Variants in SCUBE2 observed in about 807,000 individuals in gnomAD.
SCUBE2 encodes the protein signal peptide, CUB domain and EGF like domain containing 2.
A neutral mutation model predicts 125.9 loss-of-function variants in SCUBE2; 114 were observed. The ratio of observed to expected loss-of-function variants is 0.91; its 90% CI spans 0.78 to 1.06. The LOEUF is 1.06. Ranked by LOEUF, SCUBE2 falls within the 50% of genes least tolerant of loss-of-function variation. The probability of loss-of-function intolerance (pLI) is 0.00; values close to 1 mark genes in which losing one functional copy is unlikely to be tolerated. For synonymous variants in SCUBE2, 459 were observed against 492.9 expected (o/e 0.93, Z 0.91); for missense variants, 1,255 against 1,301.8 (o/e 0.96, Z 0.55).
chr11:9,089,860 A>T, intron 1 of SCUBE2, 31 bp from the exon 2 acceptor site: 3 of 1,608,740 alleles, frequency 1.9e-6, no homozygotes, highest in Non-Finnish European at 2.5e-6. Flanking sequence ...CACCTGGTAC[A>T]GGCTCCCAGG....
chr11:9,074,445 G>A, intron 4 of SCUBE2, 36 bp downstream of exon 4: 3 of 1,611,902 alleles, frequency 1.9e-6, no homozygotes, highest in Non-Finnish European at 1.7e-6. Flanking sequence ...GGTCTCAGAT[G>A]TGGCTCTGCC....
intron 10 of SCUBE2, among the ~76,000 whole-genome samples, 159 bp from the exon 11 acceptor site, chr11:9,053,918 G>T (rs1250296138): frequency 6.6e-6 from 1 of 151,390 alleles, no homozygotes; most frequent in Non-Finnish European, 1.5e-5. Context: ...GGCACCAGCT[G>T]ACTGCACACC....
At chr11:9,081,638 A>G (rs1164955439) in intron 2 of SCUBE2, among the ~76,000 whole-genome samples, 1 of 148,158 alleles carries the variant, frequency 6.7e-6, no homozygotes, top group African/African-American at 2.5e-5. Context: ...TGAGCAAGAT[A>G]GCAAGATCCC....
rs909313877 is a variant in SCUBE2, at chr11:9,060,534, A to G, written c.851-10T>C. The stretch of plus-strand genomic sequence containing the variant: ...TTGACAGCACACGTTTCTGGCAAGG[A>G]GGTAAGAAAAGACAATTAGCTTCCC... On this transcript the variant is annotated splice_polypyrimidine_tract_variant and intron_variant, in intron 7 of 22. Coordinates refer to ENST00000649792, the MANE Select transcript of SCUBE2 (RefSeq NM_001367977.2). The G allele has an allele frequency of 1.9e-6, 3 of 1,608,508 alleles. No homozygotes were observed. Among genetic ancestry groups the G allele is most frequent in the Admixed American group, 3.3e-5 (2 of 59,954 alleles).
Position 9,059,845 on chromosome 11 carries a change from A to G in SCUBE2, c.968-420T>C, listed in dbSNP as rs138401613. 56 of 162,318 alleles carry G rather than the reference A, an allele frequency of 3.5e-4. 1 individual carries two copies. The East Asian group carries it at 9.8e-3, about 28-fold the overall frequency. The allele number at this position is 162,318 out of a possible 1,614,324, so 10.1% of individuals were successfully genotyped here. A position where few individuals can be genotyped will look rare whatever the true frequency, so the allele number is the denominator to read the frequency against. ...AATTACACAATGATCAAATAGCCTC[A>G]ATGTTTTAAAATGATTCCTGATACT... On this transcript the variant is annotated intron_variant, in intron 8 of 22. Coordinates refer to ENST00000649792, the MANE Select transcript of SCUBE2 (RefSeq NM_001367977.2).
At chr11:9,050,805 CCACACACAG>C in intron 13 of SCUBE2, 95 bp from the exon 14 acceptor site, 2 of 913,092 alleles carry the variant, frequency 2.2e-6, no homozygotes, top group Non-Finnish European at 1.8e-6. Context: ...GTGGCTTCCA[CCACACACAG>C]CACACCCTGA....
intron 9 of SCUBE2, 51 bp from the exon 10 acceptor site, chr11:9,055,960 T>C (rs763679696): frequency 4.3e-6 from 6 of 1,390,194 alleles, no homozygotes; most frequent in African/African-American, 1.4e-5. Context: ...GAGGGATGAG[T>C]GAAGAATAGG....
rs1862655526 is a variant in SCUBE2, at chr11:9,091,073, G to A, written c.133+323C>T. Among the ~76,000 whole-genome samples the A allele has an allele frequency of 6.6e-6, 1 of 152,096 alleles. No homozygotes were observed. The highest frequency in any genetic ancestry group is 2.4e-5 in the African/African-American group (1 of 41,422). Reference sequence around the variant, plus strand: ...AGTTTCCCCGCCTACGCTGAGGCGCGGGACCCCAAGGCCAGGGTCCGCACC... The same window carrying A: ...AGTTTCCCCGCCTACGCTGAGGCGCAGGACCCCAAGGCCAGGGTCCGCACC... On this transcript the variant is annotated intron_variant, in intron 1 of 22. Coordinates refer to ENST00000649792, the MANE Select transcript of SCUBE2 (RefSeq NM_001367977.2). This position sits in a 1 kb window ranked among gnomAD's most constrained non-coding sequence, Gnocchi z 8.5.
intron 10 of SCUBE2, among the ~76,000 whole-genome samples, chr11:9,054,701 GTATATATA>G (rs1210852364): frequency 3.9e-4 from 20 of 51,074 alleles, no homozygotes; most frequent in African/African-American, 1.9e-3. Flanking sequence ...AAGCACTAGT[GTATATATA>G]TATATATATA....
At chr11:9,057,695 C>T (rs1590087047) in intron 9 of SCUBE2, among the ~76,000 whole-genome samples, 1 of 151,714 alleles carries the variant, frequency 6.6e-6, no homozygotes, top group African/African-American at 2.4e-5. Flanking sequence ...CATGCCCCCA[C>T]CTAATTTTTG....
intron 2 of SCUBE2, among the ~76,000 whole-genome samples, chr11:9,081,164 G>A (rs944934731): frequency 1.3e-5 from 2 of 152,160 alleles, no homozygotes; most frequent in Admixed American, 6.5e-5. Context: ...TATGTAAAAC[G>A]GCATAGCCAC....
At chr11:9,043,921 C>G (rs1857465265) in intron 16 of SCUBE2, among the ~76,000 whole-genome samples, 1 of 151,834 alleles carries the variant, frequency 6.6e-6, no homozygotes, top group Non-Finnish European at 1.5e-5. Flanking sequence ...TAGGCATGAT[C>G]TTTTGGGAAA....
chr11:9,075,620 GA>G (rs1316272698), intron 3 of SCUBE2, among the ~76,000 whole-genome samples: 1 of 152,226 alleles, frequency 6.6e-6, no homozygotes, highest in African/African-American at 2.4e-5. Context: ...AAGCAGCTGG[GA>G]ACCACTAGAG....
intron 17 of SCUBE2, among the ~76,000 whole-genome samples, chr11:9,032,113 T>C (rs1226835230): frequency 2.6e-5 from 4 of 152,116 alleles, no homozygotes; most frequent in Non-Finnish European, 5.9e-5. Context: ...ATTACTAATA[T>C]TCTTATTGCT....
intron 16 of SCUBE2, among the ~76,000 whole-genome samples, chr11:9,042,358 C>T (rs549325907): frequency 2.0e-5 from 3 of 152,102 alleles, no homozygotes; most frequent in East Asian, 1.9e-4. Flanking sequence ...TTTGGATTGC[C>T]GCAGTAACCT....
At chr11:9,089,956 G>A in intron 1 of SCUBE2, 127 bp from the exon 2 acceptor site, 2 of 1,241,552 alleles carry the variant, frequency 1.6e-6, no homozygotes, top group Non-Finnish European at 1.1e-6. Context: ...AGCTGCTTGG[G>A]ATCCCTGGGA....
intron 17 of SCUBE2, 36 bp downstream of exon 17, chr11:9,033,590 A>G (rs373151653): frequency 4.8e-5 from 77 of 1,599,952 alleles, no homozygotes; most frequent in Non-Finnish European, 6.0e-5. Flanking sequence ...GACATCAGAG[A>G]TGGGAGGAGT....
At position 9,091,461 on chromosome 11, in the gene SCUBE2, G is replaced by GGCAGCAGCAGCA. The variant is rs59844091; in HGVS notation, c.56_67dup (p.Leu19_Leu22dup). The GGCAGCAGCAGCA allele has an allele frequency of 8.3e-7, 1 of 1,202,966 alleles. No homozygotes were observed. The highest frequency in any genetic ancestry group is 1.1e-6 in the Non-Finnish European group (1 of 933,102). 74.5% of individuals were successfully genotyped at this position (1,202,966 alleles called of 1,614,324 possible). ...GGCCCCCGCCAGCAGCAGCAGTGGCGGCAGCAGCAGCAGCAGCAGCAGCAC... is the reference window on the plus strand; with the variant it reads ...GGCCCCCGCCAGCAGCAGCAGTGGCGGCAGCAGCAGCAGCAGCAGCAGCAGCAGCAGCAGCAC... On this transcript the variant is annotated inframe_insertion, in exon 1 of 23. Transcript: ENST00000649792. The surrounding 1 kb of genome is among the most constrained non-coding windows in gnomAD (Gnocchi z 8.5).
At chr11:9,076,069 G>A (rs185013368) in intron 3 of SCUBE2, among the ~76,000 whole-genome samples, 8 of 152,348 alleles carry the variant, frequency 5.3e-5, no homozygotes, top group African/African-American at 1.9e-4. Context: ...GCTTGGAAGA[G>A]AATCTGGTGG....
Sources: gnomAD v4.1 joint callset for allele counts (sites outside exome capture counted in the v4.1 genomes callset) on GRCh38, gnomAD v4.1.1 for gene constraint, Gnocchi (gnomAD v3.1) non-coding constraint, MANE v1.5 for transcripts, NCBI Gene and HGNC (gene_info 2026-07-23, HGNC 2026-07-21) for gene names.